RBPJ: variants seen among roughly 807,000 people sequenced by gnomAD.
RBPJ encodes recombination signal binding protein for immunoglobulin kappa J region.
Under a neutral mutation model 67.8 loss-of-function variants are expected in RBPJ, and 9 were observed. The ratio of observed to expected loss-of-function variants is 0.13; its 90% CI spans 0.08 to 0.23. The LOEUF is 0.23. Among genes scored for constraint, RBPJ ranks in the 10% least tolerant of loss-of-function variants. The pLI is 1.00. For synonymous variants in RBPJ, 198 were observed against 203.3 expected, an observed-to-expected ratio of 0.97 and a Z score of 0.22; for missense variants, 305 against 595.6, an observed-to-expected ratio of 0.51 and a Z score of 5.08.
At chr4:26,365,524 G>A (rs1446795105) in intron 1 of RBPJ, among the ~76,000 whole-genome samples, 1 of 152,154 alleles carries the variant, frequency 6.6e-6, no homozygotes, top group Non-Finnish European at 1.5e-5. Flanking sequence ...TAAAATATCA[G>A]TGCATTGAAT....
At chr4:26,158,196 A>C in the RBPJ span, among the ~76,000 whole-genome samples, 1 of 152,032 alleles carries the variant, frequency 6.6e-6, no homozygotes, top group Non-Finnish European at 1.5e-5. Flanking sequence ...CAGCCCTGCT[A>C]CCTTGGCCAT....
intron 1 of RBPJ, among the ~76,000 whole-genome samples, chr4:26,248,064 C>T (rs992142691): frequency 6.6e-6 from 1 of 152,192 alleles, no homozygotes; most frequent in East Asian, 1.9e-4. Context: ...GAAGCTGAGG[C>T]GGGGCATCAT....
At chr4:26,115,220 A>G in the RBPJ span, among the ~76,000 whole-genome samples, 1 of 152,232 alleles carries the variant, frequency 6.6e-6, no homozygotes, top group Non-Finnish European at 1.5e-5. Flanking sequence ...AGTACAAACC[A>G]CATACCTCTT....
chr4:26,286,367 T>C (rs12639856), intron 1 of RBPJ, among the ~76,000 whole-genome samples: 51,788 of 150,254 alleles, frequency 0.34, 10,034 homozygotes, highest in Admixed American at 0.44. Context: ...TGGTCCCAGC[T>C]ACTTAGGAGG....
intron 1 of RBPJ, among the ~76,000 whole-genome samples, chr4:26,233,465 C>T (rs1024933216): frequency 2.0e-5 from 3 of 152,188 alleles, no homozygotes; most frequent in Admixed American, 6.5e-5. Context: ...CCTGATTCCC[C>T]AGTCTCTTCA....
At chr4:26,331,285 C>G (rs564170211) in intron 1 of RBPJ, among the ~76,000 whole-genome samples, 1 of 152,236 alleles carries the variant, frequency 6.6e-6, no homozygotes, top group East Asian at 1.9e-4. Flanking sequence ...ACGGAGTTTT[C>G]CATGTTGCCC....
chr4:26,137,242 C>T, the RBPJ span, among the ~76,000 whole-genome samples: 2 of 152,176 alleles, frequency 1.3e-5, no homozygotes, highest in South Asian at 4.1e-4. Context: ...TTTCCCACCC[C>T]AGCTTTATGT....
At chr4:26,370,395 CATT>C (rs1052621349) in intron 1 of RBPJ, among the ~76,000 whole-genome samples, 9 of 152,050 alleles carry the variant, frequency 5.9e-5, no homozygotes, top group Non-Finnish European at 1.3e-4. Context: ...TTAATAATGT[CATT>C]ATTTTCTTAA....
At chr4:26,263,781 G>A (rs1040533201) in intron 1 of RBPJ, among the ~76,000 whole-genome samples, 1 of 151,642 alleles carries the variant, frequency 6.6e-6, no homozygotes, top group Non-Finnish European at 1.5e-5. Context: ...CATATTGGCC[G>A]GGCTGGTCTC....
In RBPJ at chr4:26,277,331, G is replaced by A. The variant is rs1440648136; in HGVS notation, c.-166-85115G>A. Among the ~76,000 whole-genome samples, 5 of 150,714 alleles carry A rather than the reference G, an allele frequency of 3.3e-5. No homozygotes were observed. In the East Asian group the frequency reaches 7.8e-4, roughly 23 times the overall value. On this transcript the variant is annotated intron_variant, in intron 1 of 4. Coordinates refer to the RBPJ transcript ENST00000512351. ...GCTGAACTTGAAAAAATTTGGTTCTGATCCCTCTCTGTAATGCTAGCACTC... is the reference window on the plus strand; with the variant it reads ...GCTGAACTTGAAAAAATTTGGTTCTAATCCCTCTCTGTAATGCTAGCACTC...
intron 1 of RBPJ, among the ~76,000 whole-genome samples, chr4:26,286,826 C>T (rs1327842419): frequency 1.3e-5 from 2 of 150,542 alleles, no homozygotes; most frequent in Non-Finnish European, 2.9e-5. Context: ...CCCTCCGTCA[C>T]CCAGGCTGGA....
intron 7 of RBPJ, among the ~76,000 whole-genome samples, chr4:26,427,765 G>T (rs1207628747): frequency 6.6e-6 from 1 of 152,120 alleles, no homozygotes; most frequent in African/African-American, 2.4e-5. Flanking sequence ...GAGAGGGAGG[G>T]ACAGGAGCAT....
At position 26,429,976 on chromosome 4, in the gene RBPJ, G is replaced by A. The variant is rs757275254; in HGVS notation, c.967G>A (p.Ala323Thr). 2 of 1,613,972 alleles carry A rather than the reference G, an allele frequency of 1.2e-6. No homozygotes were observed. The highest frequency in any genetic ancestry group is 2.2e-5 in the East Asian group (1 of 44,872). ...CTGGACAATCATTAGCACAGATAAG[G>A]CAGAGTATACATTTTATGAGGGAAT... ...ASWTIISTDKAEYTFYEGMGP... is the reference protein window; with the variant it reads ...ASWTIISTDKTEYTFYEGMGP... Residue 323 changes from alanine (A) to threonine (T), a missense_variant, in exon 9 of 11, where the codon GCA (alanine) becomes ACA (threonine). Physicochemically the swap from Ala to Thr is moderately conservative, Grantham distance 58. Transcript: ENST00000355476.
chr4:26,352,045 T>C (rs1726864022), intron 1 of RBPJ, among the ~76,000 whole-genome samples: 1 of 152,208 alleles, frequency 6.6e-6, no homozygotes, highest in Non-Finnish European at 1.5e-5. Flanking sequence ...TTAAATTGTT[T>C]TCAATTCAGA....
At position 26,387,551 on chromosome 4, in the gene RBPJ, G is replaced by T. The variant is rs1489065392; in HGVS notation, c.59+1160G>T. Reference sequence around the variant, plus strand: ...ACCGTTTTCCAGGTATTGAACATCAGGTATAGAAGGATAAGTGATTCCTGA... The same window carrying T: ...ACCGTTTTCCAGGTATTGAACATCATGTATAGAAGGATAAGTGATTCCTGA... On this transcript the variant is annotated intron_variant, in intron 2 of 10. Transcript: ENST00000355476. Among the ~76,000 whole-genome samples, 4 of 152,152 alleles carry T rather than the reference G, an allele frequency of 2.6e-5. No individual in the cohort carries two copies. The East Asian group carries it at 7.7e-4, about 29-fold the overall frequency.
Position 26,217,970 on chromosome 4 carries a change from G to A in RBPJ, c.-167+54356G>A, listed in dbSNP as rs188190634. 6.3e-3 allele frequency among the ~76,000 whole-genome samples: 958 copies of A among 152,292 alleles called. 7 individuals are homozygous for A. Among genetic ancestry groups the A allele is most frequent in the Non-Finnish European group, 8.9e-3 (606 of 68,012 alleles). The stretch of plus-strand genomic sequence containing the variant: ...TGCGCTCAAAGGTTTTGGAAAGAGA[G>A]AGGAAAAACAAAACAGACCGGGGCA... On this transcript the variant is annotated intron_variant, in intron 1 of 4. Coordinates refer to the RBPJ transcript ENST00000512351.
intron 1 of RBPJ, among the ~76,000 whole-genome samples, chr4:26,255,350 G>A (rs1421700968): frequency 1.8e-5 from 2 of 111,878 alleles, no homozygotes; most frequent in African/African-American, 8.8e-5. Flanking sequence ...CTTGCAGTGA[G>A]CCGAGATCGC....
chr4:26,366,234 A>G lies in RBPJ; in HGVS notation c.21-20119A>G, dbSNP rs190889464. 1.8e-4 allele frequency among the ~76,000 whole-genome samples: 27 copies of G among 152,256 alleles called. No homozygotes were observed. The East Asian group carries it at 4.2e-3, about 24-fold the overall frequency. ...TTGCCAAGCTGACCTCAGCCACAAAAGCTTCAGATATTTAAGACAAATATT... is the reference window on the plus strand; with the variant it reads ...TTGCCAAGCTGACCTCAGCCACAAAGGCTTCAGATATTTAAGACAAATATT... On this transcript the variant is annotated intron_variant, in intron 1 of 10. Coordinates refer to ENST00000355476, the MANE Select transcript of RBPJ (RefSeq NM_015874.6).
chr4:26,146,514 G>A, the RBPJ span, among the ~76,000 whole-genome samples: 3 of 152,314 alleles, frequency 2.0e-5, no homozygotes, highest in East Asian at 5.8e-4. Context: ...CACCCCAAGT[G>A]TGACCTGTAA....
Sources: allele counts gnomAD v4.1 joint callset (sites outside exome capture counted in the v4.1 genomes callset), GRCh38; gene constraint gnomAD v4.1.1; transcripts MANE v1.5; gene names NCBI Gene and HGNC (gene_info 2026-07-23, HGNC 2026-07-21).